Variants in WDR35 observed in about 807,000 individuals in gnomAD.
The protein encoded by WDR35 is WD repeat-containing protein 35.
In WDR35, 118 loss-of-function variants were observed where a neutral mutation model predicts 158.3. The observed-to-expected ratio is 0.75, with a 90% confidence interval of 0.64 to 0.87. The LOEUF (loss-of-function observed/expected upper bound fraction) is 0.87. Among genes scored for constraint, WDR35 ranks in the 40% least tolerant of loss-of-function variants. The pLI is 0.00. For missense variants in WDR35, 1,263 were observed against 1,405.8 expected, an observed-to-expected ratio of 0.90 and a Z score of 1.62; for synonymous variants, 448 against 476.1, an observed-to-expected ratio of 0.94 and a Z score of 0.77.
chr2:19,990,077 T>C lies in WDR35; in HGVS notation c.-62A>G. 2 of 1,602,166 alleles carry C rather than the reference T, an allele frequency of 1.2e-6. No homozygotes were observed. Among genetic ancestry groups the C allele is most frequent in the South Asian group, 1.1e-5 (1 of 89,208 alleles). On this transcript the variant is annotated 5_prime_UTR_variant, in exon 1 of 27. Coordinates refer to ENST00000281405, the MANE Select transcript of WDR35 (RefSeq NM_020779.4). ...GCCCTCGACAAGTAACGGTTCTACG[T>C]CTCCAATCGGGAGTACCAGCAGCTC...
At chr2:19,925,532 A>G (rs762251887) in intron 25 of WDR35, among the ~76,000 whole-genome samples, 9 of 152,228 alleles carry the variant, frequency 5.9e-5, no homozygotes, top group Non-Finnish European at 1.0e-4. Context: ...TCATTTCTCT[A>G]CAGCACTGGC....
chr2:19,986,214 A>C (rs931336264), intron 2 of WDR35, among the ~76,000 whole-genome samples: 5 of 152,222 alleles, frequency 3.3e-5, no homozygotes, highest in African/African-American at 4.8e-5. Flanking sequence ...GAGATTTGGA[A>C]GAATATCAAG....
intron 5 of WDR35, 123 bp from the exon 6 acceptor site, chr2:19,975,786 T>C: frequency 7.6e-6 from 10 of 1,320,966 alleles, no homozygotes; most frequent in Non-Finnish European, 1.1e-5. Context: ...ATTCAATTTA[T>C]TTGGCCAATA....
chr2:19,962,500 A>G (rs1340918612), intron 10 of WDR35, among the ~76,000 whole-genome samples: 3 of 151,676 alleles, frequency 2.0e-5, no homozygotes, highest in East Asian at 3.8e-4. Flanking sequence ...TAAAGTGATC[A>G]TTTCATTTTT....
At chr2:19,983,150 T>C (rs1168907579) in intron 2 of WDR35, among the ~76,000 whole-genome samples, 1 of 152,102 alleles carries the variant, frequency 6.6e-6, no homozygotes, top group African/African-American at 2.4e-5. Context: ...GTGACTTAAT[T>C]TAGATTGATG....
intron 12 of WDR35, among the ~76,000 whole-genome samples, chr2:19,952,273 C>G (rs994528658): frequency 6.6e-6 from 1 of 152,144 alleles, no homozygotes; most frequent in African/African-American, 2.4e-5. Context: ...ACTTTAAGCT[C>G]ATGTGTCTGT....
At chr2:19,948,868 C>T (rs1299133701) in intron 13 of WDR35, among the ~76,000 whole-genome samples, 1 of 149,620 alleles carries the variant, frequency 6.7e-6, no homozygotes, top group Non-Finnish European at 1.5e-5. Flanking sequence ...GAGCCGAGAT[C>T]ACACCACTGC....
At chr2:19,916,895 C>T (rs932970681) in intron 25 of WDR35, among the ~76,000 whole-genome samples, 4 of 152,220 alleles carry the variant, frequency 2.6e-5, no homozygotes, top group South Asian at 2.1e-4. Flanking sequence ...CAGACTGCCT[C>T]CTCAAGTGTG....
intron 6 of WDR35, 125 bp downstream of exon 6, chr2:19,975,405 A>T: frequency 8.3e-7 from 1 of 1,204,554 alleles, no homozygotes; most frequent in Non-Finnish European, 1.1e-6. Context: ...AAAGAAAAAA[A>T]ATCTGAATTG....
At position 19,933,419 on chromosome 2, in the gene WDR35, G is replaced by C. The variant is rs141033556; in HGVS notation, c.2640C>G (p.Thr880=). ...TTCCTACTTGGTTGAGATGTACGCA[G>C]GTATCTACTGCTGCCTTTGGTTGAC... The part of the protein sequence containing the change: ...KCSQPKAAVD[T]CVHLNQWNKA... Residue 880 remains threonine, a synonymous_variant, in exon 22 of 27, where the codon ACC becomes ACG. Transcript: ENST00000281405. The C allele has an allele frequency of 2.5e-6, 4 of 1,613,572 alleles. No individual in the cohort carries two copies. In the African/African-American group the frequency reaches 5.3e-5, roughly 22 times the overall value.
rs1558340974 is a variant in WDR35 at position 19,951,477 on chromosome 2, G to C, written c.1408C>G (p.His470Asp). Residue 470 changes from histidine (H) to aspartate (D), a missense_variant, in exon 13 of 27, where the codon CAT (histidine) becomes GAT (aspartate). Transcript: ENST00000281405. ...SRKEGRERIY[H>D]VDDTPSGSMD... ...GATCCAGAAGGGGTATCATCAACATGATAAATTCTGCAAAAAAGATCAGAA... is the reference window on the plus strand; with the variant it reads ...GATCCAGAAGGGGTATCATCAACATCATAAATTCTGCAAAAAAGATCAGAA... 5.0e-6 allele frequency: 8 copies of C among 1,610,094 alleles called. No individual in the cohort carries two copies. In the East Asian group the frequency reaches 6.7e-5, roughly 14 times the overall value.
chr2:19,923,112 C>T lies in WDR35; in HGVS notation c.3121+7284G>A, dbSNP rs557967240. Among the ~76,000 whole-genome samples the T allele has an allele frequency of 9.2e-5, 14 of 152,320 alleles. No homozygotes were observed. The South Asian group carries it at 2.7e-3, about 29-fold the overall frequency. ...ATGACTGGCTTGCTGTTAATAAATA[C>T]GTGGGTAAATCTCTGTTCAGGGCTC... On this transcript the variant is annotated intron_variant, in intron 25 of 26. Coordinates refer to ENST00000281405, the MANE Select transcript of WDR35 (RefSeq NM_020779.4).
chr2:19,913,335 G>T lies in WDR35; in HGVS notation c.*223C>A. 1 of 473,750 alleles carries T rather than the reference G, an allele frequency of 2.1e-6. No individual in the cohort carries two copies. Among genetic ancestry groups the T allele is most frequent in the Non-Finnish European group, 3.7e-6 (1 of 269,822 alleles). 29.3% of individuals were successfully genotyped at this position (473,750 alleles called of 1,614,324 possible). A position where few individuals can be genotyped will look rare whatever the true frequency, so the allele number is the denominator to read the frequency against. ...AAAGAGAGAGGGTGAGAGAAAACAT[G>T]GTTGATTTTCATACATTTATATGAA... On this transcript the variant is annotated 3_prime_UTR_variant, in exon 27 of 27. Transcript: ENST00000281405.
chr2:19,975,941 A>T (rs1362882033), intron 5 of WDR35, among the ~76,000 whole-genome samples: 1 of 152,228 alleles, frequency 6.6e-6, no homozygotes, highest in Non-Finnish European at 1.5e-5. Flanking sequence ...GAAAGAAAAT[A>T]AAAGCACCCA....
Position 19,932,365 on chromosome 2 carries a change from A to G in WDR35, c.2741T>C (p.Leu914Pro), listed in dbSNP as rs1384033028. 6.2e-7 allele frequency: 1 copy of G among 1,613,378 alleles called. No individual in the cohort carries two copies. Among genetic ancestry groups the G allele is most frequent in the East Asian group, 2.2e-5 (1 of 44,708 alleles). Residue 914 changes from leucine (L) to proline (P), a missense_variant, in exon 23 of 27, where the codon CTG (leucine) becomes CCG (proline). Coordinates refer to ENST00000281405, the MANE Select transcript of WDR35 (RefSeq NM_020779.4). ...SLLARYASHLLEKNKTLDAIE... is the reference protein window; with the variant it reads ...SLLARYASHLPEKNKTLDAIE... ...GGCATCAAGAGTTTTATTCTTTTCC[A>G]GTAAATGAGATGCATACCTAGCTAA...
chr2:19,916,603 A>T (rs1278388677), intron 25 of WDR35, among the ~76,000 whole-genome samples: 1 of 152,194 alleles, frequency 6.6e-6, no homozygotes, highest in Non-Finnish European at 1.5e-5. Flanking sequence ...TCACCCTCAC[A>T]GTGTAAACAA....
chr2:19,922,718 A>T (rs527832705), intron 25 of WDR35, among the ~76,000 whole-genome samples: 192 of 152,094 alleles, frequency 1.3e-3, no homozygotes, highest in African/African-American at 3.0e-3. Flanking sequence ...AAGTATAATT[A>T]AAAAAAAGTA....
At chr2:19,964,362 T>C (rs916193438) in intron 10 of WDR35, among the ~76,000 whole-genome samples, 1 of 148,400 alleles carries the variant, frequency 6.7e-6, no homozygotes, top group Admixed American at 6.9e-5. Context: ...TTTTTTTTCT[T>C]TTTTCTTTCT....
rs1572307944 is a variant in WDR35 at position 19,919,013 on chromosome 2, C to A, written c.3122-4736G>T. Among the ~76,000 whole-genome samples the A allele has an allele frequency of 1.5e-4, 23 of 152,268 alleles. No individual in the cohort carries two copies. In the South Asian group the frequency reaches 4.8e-3, roughly 32 times the overall value. On this transcript the variant is annotated intron_variant, in intron 25 of 26. Coordinates refer to ENST00000281405, the MANE Select transcript of WDR35 (RefSeq NM_020779.4). ...TAATTGGAAGTAAAACACTCCTCAG[C>A]AAATGCAAAAGACAGAAATCATAAC...
Sources: allele counts gnomAD v4.1 joint callset (sites outside exome capture counted in the v4.1 genomes callset), GRCh38; gene constraint gnomAD v4.1.1; transcripts MANE v1.5; gene names NCBI Gene and HGNC (gene_info 2026-07-23, HGNC 2026-07-21).